Variants in UGT8 observed in about 807,000 individuals in gnomAD.
UGT8 encodes 2-hydroxyacylsphingosine 1-beta-galactosyltransferase.
In UGT8, 12 loss-of-function variants were observed where a neutral mutation model predicts 40.5. That is an observed-to-expected ratio of 0.30 (90% CI 0.19 to 0.48). The LOEUF (loss-of-function observed/expected upper bound fraction) is 0.48. Ranked by LOEUF, UGT8 falls within the 20% of genes least tolerant of loss-of-function variation. The pLI is 0.99. For missense variants in UGT8, 513 were observed against 648.7 expected (o/e 0.79, Z 2.27); for synonymous variants, 224 against 240.4 (o/e 0.93, Z 0.63).
chr4:114,618,062 A>G (rs1299372643), intron 1 of UGT8, among the ~76,000 whole-genome samples: 2 of 151,862 alleles, frequency 1.3e-5, no homozygotes, highest in African/African-American at 4.9e-5. Flanking sequence ...TATCATATAC[A>G]TAATTTTATT....
rs1034703022 is a variant in UGT8 at position 114,676,952 on chromosome 4, G to A, written c.*664G>A. ...TTTGTATTGTTTTTCTTTTCTGATA[G>A]AGTATGGCCACTTCTGGGGGAAAAA... is the stretch of plus-strand genomic sequence containing the variant. On this transcript the variant is annotated 3_prime_UTR_variant, in exon 6 of 6. Transcript: ENST00000310836. The A allele has an allele frequency of 6.6e-6, 1 of 150,582 alleles. No individual in the cohort carries two copies. The highest frequency in any genetic ancestry group is 6.6e-5 in the Admixed American group (1 of 15,134). 9.3% of individuals were successfully genotyped at this position (150,582 alleles called of 1,614,324 possible).
At chr4:114,674,017 T>C (rs1259068391) in intron 5 of UGT8, among the ~76,000 whole-genome samples, 1 of 152,232 alleles carries the variant, frequency 6.6e-6, no homozygotes, top group Non-Finnish European at 1.5e-5. Flanking sequence ...TCATTTGTTT[T>C]TTCTCTCACT....
At position 114,676,881 on chromosome 4, in the gene UGT8, C is replaced by T. The variant is rs1489272976; in HGVS notation, c.*593C>T. 6.6e-6 allele frequency: 1 copy of T among 150,870 alleles called. No homozygotes were observed. The highest frequency in any genetic ancestry group is 2.4e-5 in the African/African-American group (1 of 41,080). The allele number at this position is 150,870 out of a possible 1,614,324, so 9.3% of individuals were successfully genotyped here. ...AGGAAGAAAAAAAAAAAAGAAATGG[C>T]ACAGTTTTTTGTATTTTTTTTTTTA... is the stretch of plus-strand genomic sequence containing the variant. On this transcript the variant is annotated 3_prime_UTR_variant, in exon 6 of 6. Transcript: ENST00000310836.
chr4:114,674,927 A>G (rs1233278021), intron 5 of UGT8, among the ~76,000 whole-genome samples: 2 of 152,220 alleles, frequency 1.3e-5, no homozygotes, highest in East Asian at 3.9e-4. Context: ...GTGCAGTCAC[A>G]TGTTTTTAGA....
intron 1 of UGT8, among the ~76,000 whole-genome samples, chr4:114,603,804 T>A (rs1192746495): frequency 2.0e-5 from 3 of 152,204 alleles, no homozygotes; most frequent in African/African-American, 7.2e-5. Flanking sequence ...GGGAGGTTAC[T>A]CCTTTGTGTT....
At chr4:114,663,622 A>T (rs545758914) in intron 2 of UGT8, 2 of 934,616 alleles carry the variant, frequency 2.1e-6, no homozygotes, top group African/African-American at 3.6e-5. Flanking sequence ...TGCCAGTATG[A>T]TTGATTTTTC....
chr4:114,665,723 C>G lies in UGT8; in HGVS notation c.1009C>G (p.Leu337Val), dbSNP rs1734821213. ...AAAGAATCTAGGAAACAACACTAAA[C>G]TCATAGAATGGTTACCACAAAATGA... is the stretch of plus-strand genomic sequence containing the variant. Reference protein sequence around the residue: ...KPKNLGNNTKLIEWLPQNDLL... With the variant: ...KPKNLGNNTKVIEWLPQNDLL... The change falls in exon 4 of 6, where the codon CTC (leucine) becomes GTC (valine). Residue 337 changes from leucine to valine, a missense_variant. Physicochemically the swap from Leu to Val is conservative, Grantham distance 32. Around this residue, in one of 3 missense-constraint regions of UGT8, gnomAD observed 335 missense variants for 444.8 expected, o/e 0.75. Coordinates refer to ENST00000310836, the MANE Select transcript of UGT8 (RefSeq NM_001128174.3). 1 of 1,610,552 alleles carries G rather than the reference C, an allele frequency of 6.2e-7. No individual in the cohort carries two copies. The highest frequency in any genetic ancestry group is 1.1e-5 in the South Asian group (1 of 90,488).
chr4:114,616,226 C>T (rs1434988319), intron 1 of UGT8, among the ~76,000 whole-genome samples: 3 of 152,296 alleles, frequency 2.0e-5, no homozygotes, highest in Admixed American at 6.5e-5. Context: ...GGCAGGCCTC[C>T]TTGAGCTGCA....
intron 2 of UGT8, among the ~76,000 whole-genome samples, chr4:114,640,592 A>G (rs1052556632): frequency 1.3e-5 from 2 of 152,148 alleles, no homozygotes; most frequent in African/African-American, 4.8e-5. Flanking sequence ...TGATAAAGAC[A>G]TACCTGAGAC....
intron 2 of UGT8, among the ~76,000 whole-genome samples, chr4:114,648,646 C>A (rs917348345): frequency 1.3e-5 from 2 of 152,022 alleles, no homozygotes; most frequent in Non-Finnish European, 1.5e-5. Flanking sequence ...AAAACAAATT[C>A]TTTTAAAGGA....
chr4:114,600,045 A>G (rs926289426), intron 1 of UGT8, among the ~76,000 whole-genome samples: 29 of 151,996 alleles, frequency 1.9e-4, no homozygotes, highest in African/African-American at 7.0e-4. Flanking sequence ...GGGAGAGGAG[A>G]GAAGGTAGAG....
At chr4:114,643,568 A>C (rs1357362755) in intron 2 of UGT8, among the ~76,000 whole-genome samples, 1 of 152,158 alleles carries the variant, frequency 6.6e-6, no homozygotes, top group Admixed American at 6.5e-5. Context: ...ACAAAAGATA[A>C]ATCACTCCAA....
At chr4:114,620,723 G>A (rs1731732206) in intron 1 of UGT8, among the ~76,000 whole-genome samples, 1 of 152,086 alleles carries the variant, frequency 6.6e-6, no homozygotes, top group African/African-American at 2.4e-5. Context: ...AAAAGCATCT[G>A]GAAATATATG....
intron 2 of UGT8, among the ~76,000 whole-genome samples, chr4:114,662,990 T>C (rs75992680): frequency 0.06 from 9,164 of 151,584 alleles, 374 homozygotes; most frequent in East Asian, 0.14. Flanking sequence ...CTAATTTTTT[T>C]TTTTTTGTAT....
chr4:114,657,281 GCTTA>G (rs1465905431), intron 2 of UGT8, among the ~76,000 whole-genome samples: 2 of 151,876 alleles, frequency 1.3e-5, no homozygotes, highest in East Asian at 3.9e-4. Context: ...TTCAAATTTT[GCTTA>G]CTTATTTTAA....
At chr4:114,607,563 C>T (rs929244469) in intron 1 of UGT8, among the ~76,000 whole-genome samples, 2 of 152,100 alleles carry the variant, frequency 1.3e-5, no homozygotes, top group African/African-American at 4.8e-5. Flanking sequence ...TATTCATGCC[C>T]ATAGACTGGA....
intron 1 of UGT8, among the ~76,000 whole-genome samples, chr4:114,610,144 A>G (rs143374923): frequency 6.6e-6 from 1 of 152,158 alleles, no homozygotes; most frequent in African/African-American, 2.4e-5. Flanking sequence ...GGGTGTTTAT[A>G]TGGTACAAAT....
intron 2 of UGT8, among the ~76,000 whole-genome samples, chr4:114,624,150 A>C (rs1000668584): frequency 1.3e-5 from 2 of 152,208 alleles, no homozygotes; most frequent in Non-Finnish European, 2.9e-5. Context: ...GGTTATTACC[A>C]CTAGTTTATG....
At chr4:114,598,415 A>C (rs1476326740), upstream of UGT8, 2 of 152,164 alleles carry the variant, frequency 1.3e-5, no homozygotes, top group Non-Finnish European at 2.9e-5. Context: ...AGAGTTCGCA[A>C]CTCGAGCGCC....
Sources: gnomAD v4.1 joint callset for allele counts (sites outside exome capture counted in the v4.1 genomes callset) on GRCh38, gnomAD v4.1.1 for gene constraint, gnomAD v4.1.1 regional missense constraint, MANE v1.5 for transcripts, NCBI Gene and HGNC (gene_info 2026-07-23, HGNC 2026-07-21) for gene names.